CLIC5: variants seen among roughly 807,000 people sequenced by gnomAD.
CLIC5 encodes the protein chloride intracellular channel protein 5.
CLIC5 carries 20 observed loss-of-function variants against 24.7 expected under a neutral mutation model. The ratio of observed to expected loss-of-function variants is 0.81; its 90% CI spans 0.57 to 1.18. CLIC5 has a LOEUF of 1.18. Among genes scored for constraint, CLIC5 ranks in the 50% most tolerant of loss-of-function variants. CLIC5 has a pLI of 0.00. For missense variants in CLIC5, 341 were observed against 326.1 expected (o/e 1.05, Z -0.35); for synonymous variants, 159 against 135.6 (o/e 1.17, Z -1.20).
intron 1 of CLIC5, among the ~76,000 whole-genome samples, chr6:45,970,155 A>G (rs1455510284): frequency 6.6e-6 from 1 of 152,134 alleles, no homozygotes; most frequent in Non-Finnish European, 1.5e-5. Flanking sequence ...CAACAGGGAA[A>G]TGTTTCTCCC....
intron 4 of CLIC5, among the ~76,000 whole-genome samples, chr6:45,936,937 G>A (rs1302243454): frequency 6.6e-6 from 1 of 152,076 alleles, no homozygotes; most frequent in African/African-American, 2.4e-5. Context: ...AAGAGTGAGA[G>A]GAGGGGGCAT....
the CLIC5 span, among the ~76,000 whole-genome samples, chr6:46,087,446 G>A: frequency 6.6e-6 from 1 of 152,030 alleles, no homozygotes; most frequent in Non-Finnish European, 1.5e-5. Flanking sequence ...TTTGAGGCAG[G>A]GCTTCCCCTG....
intron 1 of CLIC5, among the ~76,000 whole-genome samples, chr6:45,956,975 G>A (rs964797366): frequency 2.8e-4 from 42 of 152,264 alleles, no homozygotes; most frequent in African/African-American, 1.0e-3. Context: ...AGTTTATGAT[G>A]TACGTTCCCT....
chr6:46,108,162 T>C, the CLIC5 span, among the ~76,000 whole-genome samples: 4 of 152,062 alleles, frequency 2.6e-5, no homozygotes, highest in African/African-American at 9.7e-5. Context: ...CTGATTGAGA[T>C]TGCATGAATC....
At chr6:46,029,058 T>A (rs1278956239) in intron 1 of CLIC5, among the ~76,000 whole-genome samples, 1 of 152,148 alleles carries the variant, frequency 6.6e-6, no homozygotes, top group East Asian at 1.9e-4. Context: ...GTAGTTGAAA[T>A]CCTACAGAAT....
the CLIC5 span, among the ~76,000 whole-genome samples, chr6:46,111,897 C>T: frequency 6.6e-6 from 1 of 152,064 alleles, no homozygotes; most frequent in Non-Finnish European, 1.5e-5. Context: ...GAGAAGTTTC[C>T]CTGCACAAGT....
intron 1 of CLIC5, among the ~76,000 whole-genome samples, chr6:45,989,492 C>T (rs1765855356): frequency 6.6e-6 from 1 of 152,186 alleles, no homozygotes; most frequent in East Asian, 1.9e-4. Flanking sequence ...CACCAGTTTT[C>T]TATGGTGATA....
At chr6:45,956,863 G>A (rs945112769) in intron 1 of CLIC5, among the ~76,000 whole-genome samples, 8 of 152,182 alleles carry the variant, frequency 5.3e-5, no homozygotes, top group Non-Finnish European at 1.2e-4. Context: ...AAAGGTAGGA[G>A]GGTACAGTGT....
At chr6:46,113,155 C>T in the CLIC5 span, among the ~76,000 whole-genome samples, 1 of 152,116 alleles carries the variant, frequency 6.6e-6, no homozygotes, top group Admixed American at 6.5e-5. Context: ...AAATACGCAA[C>T]TACTCAGGGG....
chr6:46,041,615 A>T (rs1366413212), intron 1 of CLIC5, among the ~76,000 whole-genome samples: 3 of 152,226 alleles, frequency 2.0e-5, no homozygotes, highest in Non-Finnish European at 4.4e-5. Context: ...TAGAGGTCAT[A>T]AAAAGCCCAG....
chr6:46,099,887 T>C, the CLIC5 span, among the ~76,000 whole-genome samples: 1 of 152,106 alleles, frequency 6.6e-6, no homozygotes. Context: ...TTTGATAGTA[T>C]TTTGTCCATG....
intron 1 of CLIC5, among the ~76,000 whole-genome samples, chr6:46,045,899 A>C (rs1172118271): frequency 7.2e-6 from 1 of 139,512 alleles, no homozygotes; most frequent in Non-Finnish European, 1.5e-5. Flanking sequence ...CAGTCATTGG[A>C]AGCACTGGCT....
At chr6:46,110,463 A>T in the CLIC5 span, among the ~76,000 whole-genome samples, 12 of 152,360 alleles carry the variant, frequency 7.9e-5, no homozygotes, top group East Asian at 1.5e-3. Context: ...AATTTCAATA[A>T]GAATCTGTTT....
chr6:45,891,493 G>C (rs141943996), intron 6 of CLIC5, among the ~76,000 whole-genome samples: 1 of 151,760 alleles, frequency 6.6e-6, no homozygotes, highest in Non-Finnish European at 1.5e-5. Context: ...AAAATTAGCC[G>C]GGCATGGTGG....
chr6:45,900,013 G>A lies in CLIC5; in HGVS notation c.*3075C>T, dbSNP rs1358775410. On this transcript the variant is annotated 3_prime_UTR_variant, in exon 6 of 6. Transcript: ENST00000339561. ...TCAAGCATTTGACTTTCTTTATCAG[G>A]AGATGAAGAAACTGTGCTTTGGATC... 1.3e-5 allele frequency: 2 copies of A among 152,096 alleles called. No homozygotes were observed. Among genetic ancestry groups the A allele is most frequent in the Admixed American group, 6.6e-5 (1 of 15,264 alleles). The allele number at this position is 152,096 out of a possible 1,614,324, so 9.4% of individuals were successfully genotyped here. A position where few individuals can be genotyped will look rare whatever the true frequency, so the allele number is the denominator to read the frequency against.
the CLIC5 span, among the ~76,000 whole-genome samples, chr6:46,094,342 C>T: frequency 3.9e-5 from 6 of 152,160 alleles, no homozygotes; most frequent in Admixed American, 6.5e-5. Context: ...TAACTCATTC[C>T]AGCACTAACT....
At chr6:46,018,424 G>A (rs1767082068), upstream of CLIC5, among the ~76,000 whole-genome samples, 1 of 151,970 alleles carries the variant, frequency 6.6e-6, no homozygotes, top group African/African-American at 2.4e-5. Context: ...CATTTTATAG[G>A]AAATATCTCC....
intron 1 of CLIC5, among the ~76,000 whole-genome samples, chr6:45,996,873 T>C (rs1293515000): frequency 6.6e-6 from 1 of 151,738 alleles, no homozygotes. Context: ...GGAGAGGATG[T>C]GGAGAAATAG....
At chr6:46,069,444 A>C (rs1762528884) in intron 1 of CLIC5, among the ~76,000 whole-genome samples, 1 of 152,166 alleles carries the variant, frequency 6.6e-6, no homozygotes, top group Admixed American at 6.5e-5. Flanking sequence ...CTATGCACAC[A>C]AATGAGAAAA....
Sources: gnomAD v4.1 joint callset for allele counts (sites outside exome capture counted in the v4.1 genomes callset) on GRCh38, gnomAD v4.1.1 for gene constraint, MANE v1.5 for transcripts, NCBI Gene and HGNC (gene_info 2026-07-23, HGNC 2026-07-21) for gene names.